The following LRP1B variants were observed in gnomAD, a reference collection of about 807,000 sequenced individuals.
LRP1B encodes low-density lipoprotein receptor-related protein 1B.
A neutral mutation model predicts 556.6 loss-of-function variants in LRP1B; 217 were observed. The ratio of observed to expected loss-of-function variants is 0.39; its 90% confidence interval spans 0.35 to 0.44. The LOEUF is 0.44. Among genes scored for constraint, LRP1B ranks in the 20% least tolerant of loss-of-function variants. The probability of loss-of-function intolerance (pLI) is 1.00; values close to 1 mark genes in which losing one functional copy is unlikely to be tolerated. For missense variants in LRP1B, 5,053 were observed against 5,620.8 expected, an observed-to-expected ratio of 0.90 and a Z score of 3.23; for synonymous variants, 2,047 against 1,865.8, an observed-to-expected ratio of 1.10 and a Z score of -2.50.
At chr2:141,101,480 C>T (rs887714350) in intron 7 of LRP1B, among the ~76,000 whole-genome samples, 1 of 152,032 alleles carries the variant, frequency 6.6e-6, no homozygotes, top group East Asian at 1.9e-4. Flanking sequence ...AGCATAGGAT[C>T]TTCCTAATAC....
At chr2:140,661,292 AGAGTACTG>A (rs1685082759) in intron 41 of LRP1B, among the ~76,000 whole-genome samples, 1 of 152,128 alleles carries the variant, frequency 6.6e-6, no homozygotes, top group African/African-American at 2.4e-5. Context: ...AATTTCAACT[AGAGTACTG>A]GAGGTCTATA....
intron 60 of LRP1B, among the ~76,000 whole-genome samples, chr2:140,464,369 T>C (rs1472559781): frequency 1.3e-5 from 2 of 152,164 alleles, no homozygotes; most frequent in Non-Finnish European, 2.9e-5. Context: ...CCATATAGAT[T>C]AGGAATATTA....
At chr2:140,648,268 G>A (rs1030900784) in intron 41 of LRP1B, among the ~76,000 whole-genome samples, 3 of 151,754 alleles carry the variant, frequency 2.0e-5, no homozygotes, top group South Asian at 2.1e-4. Context: ...GGTGGGGAAC[G>A]TCACACACCG....
chr2:140,800,466 G>T (rs1690470052), intron 32 of LRP1B, among the ~76,000 whole-genome samples: 1 of 152,136 alleles, frequency 6.6e-6, no homozygotes, highest in Non-Finnish European at 1.5e-5. Context: ...GGCTAGCTGA[G>T]CCTCAGCTGA....
Position 141,770,970 on chromosome 2 carries a change from A to C in LRP1B, c.205+39309T>G, listed in dbSNP as rs534003167. ...AGGTCACTGTTGCTTAATTATAAAC[A>C]GAATGAAATTCTGAAAAATGGATTG... On this transcript the variant is annotated intron_variant, in intron 2 of 90. Coordinates refer to ENST00000389484, the MANE Select transcript of LRP1B (RefSeq NM_018557.3). 4.3e-4 allele frequency among the ~76,000 whole-genome samples: 66 copies of C among 152,376 alleles called. 2 individuals are homozygous for C. Among genetic ancestry groups the C allele is most frequent in the African/African-American group, 1.5e-3 (63 of 41,598 alleles).
chr2:142,050,890 A>T (rs1704432359), intron 1 of LRP1B, among the ~76,000 whole-genome samples: 1 of 152,160 alleles, frequency 6.6e-6, no homozygotes, highest in Non-Finnish European at 1.5e-5. Flanking sequence ...TTTCTCCATC[A>T]TGTGTGAGTC....
At chr2:140,349,730 A>G (rs1349292587) in intron 77 of LRP1B, among the ~76,000 whole-genome samples, 3 of 152,070 alleles carry the variant, frequency 2.0e-5, no homozygotes, top group Admixed American at 2.0e-4. Context: ...GTTTTCAACA[A>G]GCAGATTTCT....
chr2:140,644,509 CCA>C (rs1224373810), intron 41 of LRP1B, among the ~76,000 whole-genome samples: 1 of 151,738 alleles, frequency 6.6e-6, no homozygotes, highest in Non-Finnish European at 1.5e-5. Context: ...CACAATCCTC[CCA>C]CCTCAGTCTC....
chr2:141,560,695 A>C (rs1686114616), intron 2 of LRP1B, among the ~76,000 whole-genome samples: 1 of 151,712 alleles, frequency 6.6e-6, no homozygotes, highest in Non-Finnish European at 1.5e-5. Context: ...TGGACATTAA[A>C]GAAATTATAT....
At chr2:141,802,004 T>G (rs1217696551) in intron 2 of LRP1B, among the ~76,000 whole-genome samples, 4 of 152,088 alleles carry the variant, frequency 2.6e-5, no homozygotes, top group African/African-American at 9.7e-5. Flanking sequence ...CTGGGGGCCA[T>G]AAGTCCAAGA....
At chr2:141,825,130 C>G (rs1457618758) in intron 1 of LRP1B, among the ~76,000 whole-genome samples, 1 of 152,192 alleles carries the variant, frequency 6.6e-6, no homozygotes, top group Non-Finnish European at 1.5e-5. Context: ...ATTACCCAGT[C>G]TCAGGGAGCT....
chr2:140,484,632 T>TTA (rs1573991337), intron 59 of LRP1B, among the ~76,000 whole-genome samples: 1 of 152,248 alleles, frequency 6.6e-6, no homozygotes, highest in African/African-American at 2.4e-5. Context: ...AGTTAAAAAG[T>TTA]TATGTACACT....
At chr2:140,457,857 T>A (rs1452449872) in intron 60 of LRP1B, among the ~76,000 whole-genome samples, 1 of 152,122 alleles carries the variant, frequency 6.6e-6, no homozygotes, top group Non-Finnish European at 1.5e-5. Flanking sequence ...CAGATTTAGC[T>A]TGGTTCAACC....
chr2:140,671,519 TCAAA>T (rs144298335), intron 41 of LRP1B, among the ~76,000 whole-genome samples: 21 of 152,190 alleles, frequency 1.4e-4, no homozygotes, highest in East Asian at 7.8e-4. Flanking sequence ...AGACTCCATC[TCAAA>T]CAAACAAACA....
chr2:140,876,773 A>G (rs144022547), intron 25 of LRP1B, among the ~76,000 whole-genome samples: 4,647 of 152,288 alleles, frequency 0.031, 105 homozygotes, highest in South Asian at 0.052. Context: ...ACAAAATTCC[A>G]TCAAAGCCAA....
intron 2 of LRP1B, among the ~76,000 whole-genome samples, chr2:141,617,562 C>G (rs1171709506): frequency 6.6e-6 from 1 of 152,028 alleles, no homozygotes; most frequent in Non-Finnish European, 1.5e-5. Flanking sequence ...CTTACTTAGC[C>G]AATATTTTCT....
At chr2:142,002,413 G>T (rs1702681429) in intron 1 of LRP1B, among the ~76,000 whole-genome samples, 1 of 151,924 alleles carries the variant, frequency 6.6e-6, no homozygotes, top group African/African-American at 2.4e-5. Context: ...AATGGGTAGG[G>T]ACACATCTCT....
In LRP1B at chr2:141,145,753, A is replaced by T. The variant is rs556197811; in HGVS notation, c.1013+42668T>A. On this transcript the variant is annotated intron_variant, in intron 7 of 90. Transcript: ENST00000389484. ...TCATCGTGTTGGTCAGGCTGGTCTC[A>T]TACTCCTGACCTCGGGTGATCCGCA... 7.2e-5 allele frequency among the ~76,000 whole-genome samples: 11 copies of T among 151,756 alleles called. No homozygotes were observed. The South Asian group carries it at 1.7e-3, about 23-fold the overall frequency.
At chr2:142,037,787 A>G (rs1476401148) in intron 1 of LRP1B, among the ~76,000 whole-genome samples, 1 of 151,246 alleles carries the variant, frequency 6.6e-6, no homozygotes, top group African/African-American at 2.4e-5. Flanking sequence ...ACGTTTATAC[A>G]TTATTACCCT....
Sources: allele counts gnomAD v4.1 joint callset (sites outside exome capture counted in the v4.1 genomes callset), GRCh38; gene constraint gnomAD v4.1.1; transcripts MANE v1.5; gene names NCBI Gene and HGNC (gene_info 2026-07-23, HGNC 2026-07-21).